Variants in SPOPL observed in about 807,000 individuals in gnomAD.
The protein encoded by SPOPL is speckle type BTB/POZ protein like, also known as speckle-type POZ protein-like.
Under a neutral mutation model 53.8 loss-of-function variants are expected in SPOPL, and 23 were observed. The ratio of observed to expected loss-of-function variants is 0.43; its 90% confidence interval spans 0.31 to 0.61. SPOPL has a LOEUF of 0.61. SPOPL is among the 20% of genes least tolerant of loss of function. The pLI, the probability that SPOPL is intolerant of heterozygous loss-of-function variation, is 0.12. For synonymous variants in SPOPL, 164 were observed against 149.7 expected (o/e 1.10, Z -0.70); for missense variants, 442 against 466.9 (o/e 0.95, Z 0.49).
intron 1 of SPOPL, among the ~76,000 whole-genome samples, chr2:138,506,286 G>A (rs998759589): frequency 6.6e-6 from 1 of 152,158 alleles, no homozygotes; most frequent in Non-Finnish European, 1.5e-5. Context: ...ACAATAAGAT[G>A]TTTGTTTTGG....
intron 1 of SPOPL, among the ~76,000 whole-genome samples, chr2:138,504,361 A>G (rs1400641011): frequency 1.3e-5 from 2 of 152,030 alleles, no homozygotes; most frequent in African/African-American, 4.8e-5. Context: ...GTTCCTTCCA[A>G]CATTTAGTTT....
rs1169614974 is a variant in SPOPL, at chr2:138,505,594, TAAAAAAA to T, written c.-61+3497_-61+3503del. Among the ~76,000 whole-genome samples, 701 of 75,078 alleles carry T rather than the reference TAAAAAAA, an allele frequency of 9.3e-3. 7 individuals carry two copies. Among genetic ancestry groups the T allele is most frequent in the African/African-American group, 0.045 (642 of 14,210 alleles). 49.3% of individuals were successfully genotyped at this position (75,078 alleles called of 152,430 possible). On this transcript the variant is annotated intron_variant, in intron 1 of 10. Coordinates refer to ENST00000280098, the MANE Select transcript of SPOPL (RefSeq NM_001001664.3). The stretch of plus-strand genomic sequence containing the variant: ...CAACATGGTGAAACTGTGTCTCTTC[TAAAAAAA>T]AAAAAAAAAAAAAAAAAAAAATAGT...
chr2:138,503,043 A>G (rs917724618), intron 1 of SPOPL, among the ~76,000 whole-genome samples: 2 of 152,182 alleles, frequency 1.3e-5, no homozygotes, highest in Non-Finnish European at 2.9e-5. Flanking sequence ...TCCCACTTGC[A>G]ATTGAATCCA....
At chr2:138,561,869 C>CT (rs1203809358) in intron 8 of SPOPL, among the ~76,000 whole-genome samples, 1 of 152,042 alleles carries the variant, frequency 6.6e-6, no homozygotes, top group Non-Finnish European at 1.5e-5. Flanking sequence ...CCTTGCCCCC[C>CT]TCCCTCTCTA....
At position 138,550,983 on chromosome 2, in the gene SPOPL, C is replaced by A. The variant is rs761188719; in HGVS notation, c.281C>A (p.Pro94His). ...LSLYLLLVSCPKSEVRAKFKF... is the reference protein window; with the variant it reads ...LSLYLLLVSCHKSEVRAKFKF... ...TTATATTTGCTTTTAGTCAGCTGCC[C>A]CAAAAGTGAAGTTCGAGCAAAATTC... Residue 94 changes from proline (P) to histidine (H), a missense_variant, in exon 4 of 11, where the codon CCC becomes CAC. By Grantham distance (77) the Pro-to-His change is moderately conservative. Transcript: ENST00000280098. The A allele has an allele frequency of 1.9e-6, 3 of 1,613,236 alleles. No individual in the cohort carries two copies. The highest frequency in any genetic ancestry group is 2.5e-6 in the Non-Finnish European group (3 of 1,179,580).
At chr2:138,509,857 A>G (rs532132669) in intron 1 of SPOPL, among the ~76,000 whole-genome samples, 4 of 152,276 alleles carry the variant, frequency 2.6e-5, no homozygotes, top group South Asian at 4.1e-4. Flanking sequence ...TATGACATCT[A>G]TCTACCATTA....
rs149764370 is a variant in SPOPL at position 138,531,321 on chromosome 2, C to T, written c.-60-18836C>T. ...AGCTACTGCCAATCATTATTTTTAC[C>T]CCACTTCCCCAAGAATGCTAAAACC... On this transcript the variant is annotated intron_variant, in intron 1 of 10. Coordinates refer to ENST00000280098, the MANE Select transcript of SPOPL (RefSeq NM_001001664.3). Among the ~76,000 whole-genome samples, 54 of 151,936 alleles carry T rather than the reference C, an allele frequency of 3.6e-4. 1 individual carries two copies. The highest frequency in any genetic ancestry group is 1.3e-3 in the African/African-American group (53 of 41,452).
intron 1 of SPOPL, among the ~76,000 whole-genome samples, chr2:138,515,635 G>T (rs1684420925): frequency 6.6e-6 from 1 of 152,146 alleles, no homozygotes; most frequent in African/African-American, 2.4e-5. Context: ...TGTTAAGATT[G>T]TAATTCTTTT....
At chr2:138,568,908 G>A (rs1207600400) in intron 10 of SPOPL, 28 bp from the exon 11 acceptor site, 2 of 1,611,478 alleles carry the variant, frequency 1.2e-6, no homozygotes, top group Admixed American at 1.7e-5. Flanking sequence ...GTATTCTTTA[G>A]TAAATATCTT....
chr2:138,567,615 A>G (rs1167010584), intron 10 of SPOPL, among the ~76,000 whole-genome samples: 1 of 152,130 alleles, frequency 6.6e-6, no homozygotes, highest in Non-Finnish European at 1.5e-5. Flanking sequence ...CTCTGCATGC[A>G]GGGTGGAGAA....
Position 138,569,351 on chromosome 2 carries a change from G to T in SPOPL, c.*271G>T. On this transcript the variant is annotated 3_prime_UTR_variant, in exon 11 of 11. Coordinates refer to ENST00000280098, the MANE Select transcript of SPOPL (RefSeq NM_001001664.3). ...CTTTAATTTTTTTTTATTGTGCCTT[G>T]TCATTTTGACCAAGGCTATGCAGGA... is the stretch of plus-strand genomic sequence containing the variant. The T allele has an allele frequency of 3.2e-6, 1 of 317,122 alleles. No individual in the cohort carries two copies. Among genetic ancestry groups the T allele is most frequent in the Non-Finnish European group, 5.8e-6 (1 of 173,570 alleles). 19.6% of individuals were successfully genotyped at this position (317,122 alleles called of 1,614,324 possible). A position where few individuals can be genotyped will look rare whatever the true frequency, so the allele number is the denominator to read the frequency against.
At chr2:138,542,233 T>C in intron 1 of SPOPL, among the ~76,000 whole-genome samples, 1 of 152,222 alleles carries the variant, frequency 6.6e-6, no homozygotes, top group South Asian at 2.1e-4. Context: ...TGGAGAGTTC[T>C]GTAGATGTCT....
In SPOPL at chr2:138,559,217, G is replaced by A. The variant is rs1685492008; in HGVS notation, c.658+18G>A. 1 of 1,611,644 alleles carries A rather than the reference G, an allele frequency of 6.2e-7. No homozygotes were observed. The highest frequency in any genetic ancestry group is 1.1e-5 in the South Asian group (1 of 90,746). ...GCTTGCAGGTACTTTCTAGTTATGG[G>A]GTAATATAGTACATTTAAAAAAATG... is the stretch of plus-strand genomic sequence containing the variant. On this transcript the variant is annotated intron_variant, in intron 6 of 10. Coordinates refer to ENST00000280098, the MANE Select transcript of SPOPL (RefSeq NM_001001664.3).
At chr2:138,554,951 G>T (rs1014666953) in intron 5 of SPOPL, among the ~76,000 whole-genome samples, 1 of 152,110 alleles carries the variant, frequency 6.6e-6, no homozygotes, top group African/African-American at 2.4e-5. Context: ...CCTGAGACTA[G>T]GTAATTTTAA....
intron 1 of SPOPL, among the ~76,000 whole-genome samples, chr2:138,521,011 C>T (rs1684545882): frequency 6.6e-6 from 1 of 152,032 alleles, no homozygotes; most frequent in Non-Finnish European, 1.5e-5. Flanking sequence ...AACTAGCATG[C>T]CATATAAATG....
chr2:138,545,888 A>C (rs993491511), intron 1 of SPOPL, among the ~76,000 whole-genome samples: 2 of 152,162 alleles, frequency 1.3e-5, no homozygotes, highest in Non-Finnish European at 2.9e-5. Context: ...TTACATATCT[A>C]CGAATTTCTA....
intron 1 of SPOPL, among the ~76,000 whole-genome samples, chr2:138,536,531 G>A (rs1171357284): frequency 6.6e-6 from 1 of 152,132 alleles, no homozygotes; most frequent in Non-Finnish European, 1.5e-5. Flanking sequence ...AATGCCCTGG[G>A]GCATTATGTT....
chr2:138,564,949 A>G lies in SPOPL; in HGVS notation c.990A>G (p.Val330=). The G allele has an allele frequency of 1.9e-6, 3 of 1,614,134 alleles. No individual in the cohort carries two copies. The highest frequency in any genetic ancestry group is 2.5e-6 in the Non-Finnish European group (3 of 1,180,012). ...TAAATCTTCAATGCAGGTGCAGTGT[A>G]CTTCGACAACTTGGGTGTAAAGATG... ...QAIDFINRCS[V]LRQLGCKDGK... is the part of the protein sequence containing the mutation. The change falls in exon 10 of 11, where the codon GTA becomes GTG. Residue 330 remains valine, a synonymous_variant. Transcript: ENST00000280098.
chr2:138,519,373 CAT>C lies in SPOPL; in HGVS notation c.-61+17256_-61+17257del, dbSNP rs752699288. 6.9e-4 allele frequency among the ~76,000 whole-genome samples: 101 copies of C among 147,156 alleles called. 1 individual carries two copies. The East Asian group carries it at 0.018, about 27-fold the overall frequency. ...GCATATTTGATGAATTGGAAAAAAT[CAT>C]AGTGTTTTCACTTAAAAATTCTGGA... On this transcript the variant is annotated intron_variant, in intron 1 of 10. Transcript: ENST00000280098.
Sources: allele counts gnomAD v4.1 joint callset (sites outside exome capture counted in the v4.1 genomes callset), GRCh38; gene constraint gnomAD v4.1.1; transcripts MANE v1.5; gene names NCBI Gene and HGNC (gene_info 2026-07-23, HGNC 2026-07-21).